MYRF: variants seen among roughly 807,000 people sequenced by gnomAD.
MYRF encodes myelin gene regulatory factor.
Under a neutral mutation model 126.3 loss-of-function variants are expected in MYRF, and 16 were observed. The observed-to-expected ratio is 0.13, with a 90% confidence interval of 0.09 to 0.19. MYRF has a LOEUF of 0.19. MYRF is among the 10% of genes least tolerant of loss of function. The pLI, the probability that MYRF is intolerant of heterozygous loss-of-function variation, is 1.00. For synonymous variants in MYRF, 608 were observed against 635.3 expected, an observed-to-expected ratio of 0.96 and a Z score of 0.65; for missense variants, 1,104 against 1,547.0, an observed-to-expected ratio of 0.71 and a Z score of 4.80.
At position 61,770,416 on chromosome 11, in the gene MYRF, C is replaced by G; in HGVS notation, c.631C>G (p.Pro211Ala). The change falls in exon 5 of 27, where the codon CCC becomes GCC. Residue 211 changes from proline (P) to alanine (A), a missense_variant. Coordinates refer to ENST00000278836, the MANE Select transcript of MYRF (RefSeq NM_001127392.3). Reference sequence around the variant, plus strand: ...GCGGGATCTGTACATGAAGGCCGAGCCCCCGATCCCCCACTACGCTGCCAT... The same window carrying G: ...GCGGGATCTGTACATGAAGGCCGAGGCCCCGATCCCCCACTACGCTGCCAT... ...LQRDLYMKAE[P>A]PIPHYAAMGQ... 6.4e-7 allele frequency: 1 copy of G among 1,551,932 alleles called. No individual in the cohort carries two copies. The highest frequency in any genetic ancestry group is 8.7e-7 in the Non-Finnish European group (1 of 1,146,854).
At chr11:61,782,668 T>C (rs1369605722) in intron 22 of MYRF, 1 of 152,044 alleles carries the variant, frequency 6.6e-6, no homozygotes, top group Non-Finnish European at 1.5e-5. Context: ...CGGACGAAGG[T>C]GGGGAGGATC....
chr11:61,767,326 T>C (rs1329697284), intron 3 of MYRF: 2 of 456,690 alleles, frequency 4.4e-6, no homozygotes, highest in South Asian at 3.1e-5. Flanking sequence ...CATGTGCCTA[T>C]GATTGCGTGA....
intron 1 of MYRF, chr11:61,755,650 G>C: frequency 1.4e-6 from 1 of 723,862 alleles, no homozygotes. Context: ...AGACAGGAGG[G>C]GGTGGCAGAG....
chr11:61,784,027 G>A (rs936167342), intron 24 of MYRF, 102 bp downstream of exon 24: 4 of 1,357,980 alleles, frequency 2.9e-6, no homozygotes, highest in Non-Finnish European at 4.1e-6. Context: ...GAGAGTCTCT[G>A]GTATTTCCTG....
chr11:61,785,221 G>C (rs191085493), intron 25 of MYRF: 1 of 155,250 alleles, frequency 6.4e-6, no homozygotes, highest in Admixed American at 6.2e-5. Context: ...CCAAGACAGA[G>C]GGAGAGCCCA....
rs765539937 is a variant in MYRF, at chr11:61,773,968, C to T, written c.1117C>T (p.Pro373Ser). 2 of 1,607,586 alleles carry T rather than the reference C, an allele frequency of 1.2e-6. No individual in the cohort carries two copies. The highest frequency in any genetic ancestry group is 1.7e-6 in the Non-Finnish European group (2 of 1,176,662). ...TLYDANYKEL[P>S]MLTYRVDADK... ...GAGTGCCCTCACCCGCCCCCCCAGGCCCATGCTCACCTACCGCGTGGATGC... is the reference window on the plus strand; with the variant it reads ...GAGTGCCCTCACCCGCCCCCCCAGGTCCATGCTCACCTACCGCGTGGATGC... Residue 373 changes from proline (P) to serine (S), a missense_variant and splice_region_variant, in exon 8 of 27, where the codon CCC becomes TCC. Physicochemically the swap from Pro to Ser is moderately conservative, Grantham distance 74. Transcript: ENST00000278836.
chr11:61,753,026 G>C (rs1261031678), intron 1 of MYRF, among the ~76,000 whole-genome samples: 1 of 152,020 alleles, frequency 6.6e-6, no homozygotes, highest in Non-Finnish European at 1.5e-5. Flanking sequence ...GCTTCCTTGG[G>C]ACTGTGTCCC....
chr11:61,784,037 G>C (rs1565308083), intron 24 of MYRF, 112 bp downstream of exon 24: 1 of 1,307,072 alleles, frequency 7.7e-7, no homozygotes, highest in Non-Finnish European at 1.1e-6. Context: ...GGTATTTCCT[G>C]CATGGTGGGA....
At chr11:61,780,624 C>A (rs886290593) in intron 18 of MYRF, 88 bp from the exon 19 acceptor site, 5 of 1,323,700 alleles carry the variant, frequency 3.8e-6, no homozygotes, top group African/African-American at 1.5e-5. Context: ...CCCACTGTCA[C>A]CCCCAGCTCC....
At chr11:61,758,092 AGG>A (rs11297199) in intron 1 of MYRF, among the ~76,000 whole-genome samples, 1 of 151,390 alleles carries the variant, frequency 6.6e-6, no homozygotes. Flanking sequence ...GCCTGGAGTG[AGG>A]GGGGGAGGGG....
Position 61,777,706 on chromosome 11 carries a change from G to A in MYRF, c.1792-28G>A, listed in dbSNP as rs775445748. The A allele has an allele frequency of 1.9e-6, 3 of 1,544,556 alleles. No individual in the cohort carries two copies. The highest frequency in any genetic ancestry group is 3.9e-5 in the Admixed American group (2 of 50,854). On this transcript the variant is annotated intron_variant, in intron 12 of 26. Transcript: ENST00000278836. The surrounding 1 kb of genome is among the most constrained non-coding windows in gnomAD (Gnocchi z 8.8). ...CTGCTCCGGGACGGCCGCAGGAGGG[G>A]TTCATTCCCGGGCCTGGCTCCCCGC...
intron 1 of MYRF, among the ~76,000 whole-genome samples, chr11:61,759,614 G>A (rs966188212): frequency 7.9e-5 from 12 of 152,122 alleles, no homozygotes; most frequent in African/African-American, 2.7e-4. Flanking sequence ...AAGTTGCAGT[G>A]AGCCAAGATT....
Position 61,786,028 on chromosome 11 carries a change from G to C in MYRF, c.3376-35G>C, listed in dbSNP as rs746385995. 4 of 1,609,770 alleles carry C rather than the reference G, an allele frequency of 2.5e-6. No individual in the cohort carries two copies. The African/African-American group carries it at 5.3e-5, about 22-fold the overall frequency. On this transcript the variant is annotated intron_variant, in intron 26 of 26. Coordinates refer to ENST00000278836, the MANE Select transcript of MYRF (RefSeq NM_001127392.3). The surrounding 1 kb of genome is among the most constrained non-coding windows in gnomAD (Gnocchi z 4.5). ...GAGTGCCATCTGCCCCGCACCCCCA[G>C]AGCCACCTCACCTTCCCACTGCCCT...
chr11:61,759,531 G>A (rs530998915), intron 1 of MYRF, among the ~76,000 whole-genome samples: 97 of 152,262 alleles, frequency 6.4e-4, no homozygotes, highest in African/African-American at 2.3e-3. Flanking sequence ...TTAGCCAGGC[G>A]TGGTGGCAGG....
intron 5 of MYRF, among the ~76,000 whole-genome samples, 154 bp from the exon 6 acceptor site, chr11:61,771,346 G>T (rs1012576328): frequency 2.6e-5 from 4 of 152,210 alleles, no homozygotes; most frequent in African/African-American, 9.6e-5. Flanking sequence ...GGGAGTAGGA[G>T]GAGGCAAAGC....
rs746385995 is a variant in MYRF at position 61,786,028 on chromosome 11, G to A, written c.3376-35G>A. The stretch of plus-strand genomic sequence containing the variant: ...GAGTGCCATCTGCCCCGCACCCCCA[G>A]AGCCACCTCACCTTCCCACTGCCCT... On this transcript the variant is annotated intron_variant, in intron 26 of 26. Transcript: ENST00000278836. The surrounding 1 kb of genome is among the most constrained non-coding windows in gnomAD (Gnocchi z 4.5). The A allele has an allele frequency of 6.2e-7, 1 of 1,609,888 alleles. No individual in the cohort carries two copies. Among genetic ancestry groups the A allele is most frequent in the East Asian group, 2.2e-5 (1 of 44,850 alleles).
At chr11:61,766,381 G>C in intron 3 of MYRF, 160 bp downstream of exon 3, 6 of 720,820 alleles carry the variant, frequency 8.3e-6, no homozygotes, top group Non-Finnish European at 1.1e-5. Context: ...ATGAGTCCAG[G>C]TCAAGGGGGG....
Position 61,771,943 on chromosome 11 carries a change from A to G in MYRF, c.1106A>G (p.Tyr369Cys), listed in dbSNP as rs779346366. The G allele has an allele frequency of 2.5e-6, 4 of 1,613,882 alleles. No homozygotes were observed. Among genetic ancestry groups the G allele is most frequent in the South Asian group, 1.1e-5 (1 of 91,084 alleles). The change falls in exon 7 of 27, where the codon TAC becomes TGC. Residue 369 changes from tyrosine to cysteine, a missense_variant. Tyr to Cys is a radical substitution (Grantham distance 194, BLOSUM62 -2). Coordinates refer to ENST00000278836, the MANE Select transcript of MYRF (RefSeq NM_001127392.3). The stretch of plus-strand genomic sequence containing the variant: ...TGGGCGACCCTGTACGATGCTAACT[A>G]CAAGGAGCTGTGAGTGCCCTACAAC... ...NKWATLYDAN[Y>C]KELPMLTYRV...
intron 1 of MYRF, among the ~76,000 whole-genome samples, chr11:61,762,883 G>A (rs868272796): frequency 2.2e-4 from 34 of 152,098 alleles, no homozygotes; most frequent in Admixed American, 7.2e-4. Context: ...TCCTCCGTCC[G>A]CCCGGACCCT....
Sources: gnomAD v4.1 joint callset for allele counts (sites outside exome capture counted in the v4.1 genomes callset) on GRCh38, gnomAD v4.1.1 for gene constraint, Gnocchi (gnomAD v3.1) non-coding constraint, MANE v1.5 for transcripts, NCBI Gene and HGNC (gene_info 2026-07-23, HGNC 2026-07-21) for gene names.